Variants in PDZD2 observed in about 807,000 individuals in gnomAD.
PDZD2 encodes the protein PDZ domain-containing protein 2.
PDZD2 carries 90 observed loss-of-function variants against 220.7 expected under a neutral mutation model. That is an observed-to-expected ratio of 0.41 (90% CI 0.34 to 0.49). The LOEUF (loss-of-function observed/expected upper bound fraction) is 0.49, where lower values mean the gene tolerates loss of function less well. PDZD2 is among the 20% of genes least tolerant of loss of function. The pLI, the probability that PDZD2 is intolerant of heterozygous loss-of-function variation, is 0.28. For synonymous variants in PDZD2, 1,375 were observed against 1,450.5 expected (o/e 0.95, Z 1.18); for missense variants, 3,174 against 3,608.5 (o/e 0.88, Z 3.08).
chr5:32,028,292 A>C (rs1186111782), intron 6 of PDZD2, among the ~76,000 whole-genome samples: 1 of 152,192 alleles, frequency 6.6e-6, no homozygotes, highest in Non-Finnish European at 1.5e-5. Context: ...TGAAACAGTT[A>C]CAGGATATTT....
intron 2 of PDZD2, among the ~76,000 whole-genome samples, chr5:31,918,464 G>A (rs1349500008): frequency 6.6e-6 from 1 of 152,118 alleles, no homozygotes; most frequent in African/African-American, 2.4e-5. Flanking sequence ...CATCATTTTG[G>A]GCATTTCAGA....
At chr5:31,704,826 A>G (rs1010287928) in intron 1 of PDZD2, among the ~76,000 whole-genome samples, 1 of 152,224 alleles carries the variant, frequency 6.6e-6, no homozygotes, top group Non-Finnish European at 1.5e-5. Flanking sequence ...AAGAATGCAC[A>G]TTACTTCGGC....
rs1040053112 is a variant in PDZD2 at position 31,657,099 on chromosome 5, C to T, written c.-361+17662C>T. 2 of 152,172 alleles carry T rather than the reference C, an allele frequency of 1.3e-5. 1 individual carries two copies. The highest frequency in any genetic ancestry group is 4.1e-4 in the South Asian group (2 of 4,820). 9.4% of individuals were successfully genotyped at this position (152,172 alleles called of 1,614,324 possible). A position where few individuals can be genotyped will look rare whatever the true frequency, so the allele number is the denominator to read the frequency against. ...GCTGGAAAATGTCATAAACCGATCT[C>T]CATCTGGTCGTAGATGTACAAGAAA... On this transcript the variant is annotated intron_variant, in intron 1 of 24. Coordinates refer to ENST00000438447, the MANE Select transcript of PDZD2 (RefSeq NM_178140.4).
In PDZD2 at chr5:32,090,602, C is replaced by T; in HGVS notation, c.7154C>T (p.Pro2385Leu). 2 of 1,614,056 alleles carry T rather than the reference C, an allele frequency of 1.2e-6. No homozygotes were observed. Among genetic ancestry groups the T allele is most frequent in the Non-Finnish European group, 1.7e-6 (2 of 1,180,014 alleles). The change falls in exon 20 of 25, where the codon CCA becomes CTA. Residue 2385 changes from proline (P) to leucine (L), a missense_variant. By Grantham distance (98) the Pro-to-Leu change is moderately conservative. Transcript: ENST00000438447. This position sits in a 1 kb window ranked among gnomAD's most constrained non-coding sequence, Gnocchi z 4.3. The part of the protein sequence containing the change: ...GSIVSGSLGH[P>L]GDAAARLLRR... ...ATTGTTTCCGGGAGCCTGGGCCACC[C>T]AGGTGACGCAGCAGCAAGGTTGTTG...
intron 6 of PDZD2, among the ~76,000 whole-genome samples, chr5:32,026,382 C>T (rs1754664354): frequency 6.6e-6 from 1 of 152,144 alleles, no homozygotes; most frequent in Admixed American, 6.5e-5. Flanking sequence ...AAGCAATCCG[C>T]CCGCCTCCGC....
chr5:31,671,097 G>C (rs1242251518), intron 1 of PDZD2, among the ~76,000 whole-genome samples: 2 of 152,162 alleles, frequency 1.3e-5, no homozygotes, highest in Admixed American at 1.3e-4. Flanking sequence ...TGGCTTGGGA[G>C]CTAGGACCAC....
chr5:32,059,309 T>C lies in PDZD2; in HGVS notation c.2271T>C (p.Ile757=). The part of the protein sequence containing the change: ...ALENSPPGIY[I]HSLAPGSVAK... ...AAAACAGTCCTCCTGGCATCTACAT[T>C]CACAGCCTTGCTCCAGGATCAGTGG... The change falls in exon 13 of 25, where the codon ATT becomes ATC. Residue 757 remains isoleucine, a synonymous_variant. Transcript: ENST00000438447. 6.2e-7 allele frequency: 1 copy of C among 1,613,488 alleles called. No homozygotes were observed. Among genetic ancestry groups the C allele is most frequent in the Non-Finnish European group, 8.5e-7 (1 of 1,179,390 alleles).
intron 2 of PDZD2, among the ~76,000 whole-genome samples, chr5:31,933,390 A>G (rs1319625136): frequency 2.0e-5 from 3 of 152,156 alleles, no homozygotes; most frequent in Admixed American, 2.0e-4. Context: ...TGCTGCTACA[A>G]ATATCGAGGG....
chr5:31,857,913 G>A (rs1269213131), intron 2 of PDZD2, among the ~76,000 whole-genome samples: 1 of 152,136 alleles, frequency 6.6e-6, no homozygotes, highest in African/African-American at 2.4e-5. Flanking sequence ...TGCAACCCCT[G>A]TCTCCCGGGT....
chr5:31,743,030 C>G (rs1026546074), intron 1 of PDZD2, among the ~76,000 whole-genome samples: 1 of 152,224 alleles, frequency 6.6e-6, no homozygotes, highest in Admixed American at 6.5e-5. Flanking sequence ...GCCAGTCCAT[C>G]TTCACCTTTG....
Position 32,048,679 on chromosome 5 carries a change from T to G in PDZD2, c.1660T>G (p.Ser554Ala), listed in dbSNP as rs1738219779. Reference protein sequence around the residue: ...LPQLLDSSSASQEYHIVKKST... With the variant: ...LPQLLDSSSAAQEYHIVKKST... ...GCAGCTGCTGGACTCTTCCAGTGCC[T>G]CACAGGTCCGACCAGGGCTGTGGAT... Residue 554 changes from serine to alanine, a missense_variant, in exon 8 of 25, where the codon TCA (serine) becomes GCA (alanine). Physicochemically the swap from Ser to Ala is moderately conservative, Grantham distance 99 (BLOSUM62 1). Transcript: ENST00000438447. The G allele has an allele frequency of 4.3e-6, 7 of 1,613,856 alleles. No individual in the cohort carries two copies. Among genetic ancestry groups the G allele is most frequent in the Non-Finnish European group, 5.9e-6 (7 of 1,179,938 alleles).
intron 2 of PDZD2, among the ~76,000 whole-genome samples, chr5:31,801,379 C>CACG (rs1754379144): frequency 6.6e-6 from 1 of 152,074 alleles, no homozygotes; most frequent in Admixed American, 6.6e-5. Flanking sequence ...CGCTGACCAC[C>CACG]ACCAGGCTCA....
chr5:31,849,979 C>CGTGT (rs1757888352), intron 2 of PDZD2, among the ~76,000 whole-genome samples: 3 of 29,906 alleles, frequency 1.0e-4, no homozygotes, highest in African/African-American at 4.2e-4. Flanking sequence ...TATATATATA[C>CGTGT]ATATATATAT....
At chr5:32,043,298 T>C (rs1737598269) in intron 7 of PDZD2, among the ~76,000 whole-genome samples, 1 of 152,212 alleles carries the variant, frequency 6.6e-6, no homozygotes, top group African/African-American at 2.4e-5. Context: ...TCCTGTGTCC[T>C]TCCCAGACAT....
intron 21 of PDZD2, 73 bp downstream of exon 21, chr5:32,093,097 A>G: frequency 1.2e-6 from 1 of 810,454 alleles, no homozygotes; most frequent in East Asian, 2.5e-5. Context: ...CTGCCTGCCC[A>G]GACAGCCGAG....
chr5:31,952,612 T>G (rs374442381), intron 2 of PDZD2, among the ~76,000 whole-genome samples: 5 of 152,230 alleles, frequency 3.3e-5, no homozygotes, highest in African/African-American at 1.2e-4. Flanking sequence ...GCAGACATTC[T>G]TTTAAGGACA....
chr5:31,855,728 A>C (rs865967505), intron 2 of PDZD2, among the ~76,000 whole-genome samples: 2 of 152,244 alleles, frequency 1.3e-5, no homozygotes, highest in South Asian at 2.1e-4. Context: ...CCAAATTACT[A>C]AACAGCCTGC....
intron 2 of PDZD2, among the ~76,000 whole-genome samples, chr5:31,831,355 C>T (rs1236409712): frequency 2.0e-5 from 3 of 152,018 alleles, no homozygotes; most frequent in Admixed American, 6.6e-5. Flanking sequence ...GTGGTTCACA[C>T]CTGTAATCCC....
At chr5:32,025,718 A>G (rs528505428) in intron 6 of PDZD2, among the ~76,000 whole-genome samples, 1 of 143,166 alleles carries the variant, frequency 7.0e-6, no homozygotes, top group African/African-American at 2.6e-5. Flanking sequence ...CTCTTGCCTC[A>G]GCCTCCCTAG....
Sources: gnomAD v4.1 joint callset for allele counts (sites outside exome capture counted in the v4.1 genomes callset) on GRCh38, gnomAD v4.1.1 for gene constraint, Gnocchi (gnomAD v3.1) non-coding constraint, MANE v1.5 for transcripts, NCBI Gene and HGNC (gene_info 2026-07-23, HGNC 2026-07-21) for gene names.